Variants in FAM135B observed in about 807,000 individuals in gnomAD.
The protein encoded by FAM135B is protein FAM135B.
A neutral mutation model predicts 127.7 loss-of-function variants in FAM135B; 43 were observed. The ratio of observed to expected loss-of-function variants is 0.34; its 90% CI spans 0.26 to 0.43. The LOEUF (loss-of-function observed/expected upper bound fraction) is 0.43, where lower values mean the gene tolerates loss of function less well. Ranked by LOEUF, FAM135B falls within the 20% of genes least tolerant of loss-of-function variation. The pLI, the probability that FAM135B is intolerant of heterozygous loss-of-function variation, is 1.00. For synonymous variants in FAM135B, 670 were observed against 665.1 expected, an observed-to-expected ratio of 1.01 and a Z score of -0.11; for missense variants, 1,558 against 1,725.6, an observed-to-expected ratio of 0.90 and a Z score of 1.72.
At chr8:138,495,594 A>C (rs1440331948) in intron 1 of FAM135B, among the ~76,000 whole-genome samples, 1 of 152,138 alleles carries the variant, frequency 6.6e-6, no homozygotes, top group Non-Finnish European at 1.5e-5. Flanking sequence ...CCTATCCTGG[A>C]TATTATTCAG....
At chr8:138,285,033 C>T (rs142304759) in intron 3 of FAM135B, among the ~76,000 whole-genome samples, 1 of 150,800 alleles carries the variant, frequency 6.6e-6, no homozygotes, top group Admixed American at 6.6e-5. Flanking sequence ...TCCTTCTCAT[C>T]GGACCATTAC....
chr8:138,211,962 G>A (rs1563775429), intron 7 of FAM135B, among the ~76,000 whole-genome samples: 1 of 152,180 alleles, frequency 6.6e-6, no homozygotes, highest in African/African-American at 2.4e-5. Context: ...CAGCTACTCG[G>A]GAGGCTGAGG....
intron 2 of FAM135B, among the ~76,000 whole-genome samples, chr8:138,359,661 G>A (rs1268053546): frequency 6.6e-6 from 1 of 152,142 alleles, no homozygotes; most frequent in Non-Finnish European, 1.5e-5. Flanking sequence ...GAGAAGTGGG[G>A]AAAAAAGATT....
At chr8:138,469,531 G>A (rs569488946) in intron 1 of FAM135B, among the ~76,000 whole-genome samples, 1 of 152,238 alleles carries the variant, frequency 6.6e-6, no homozygotes, top group South Asian at 2.1e-4. Context: ...AAAAATCAGG[G>A]AAACAGAAAG....
chr8:138,140,481 C>T (rs1318998975), intron 17 of FAM135B, among the ~76,000 whole-genome samples: 2 of 152,182 alleles, frequency 1.3e-5, no homozygotes, highest in Non-Finnish European at 2.9e-5. Context: ...GTCACCTCCT[C>T]AGTAAAATCT....
intron 7 of FAM135B, among the ~76,000 whole-genome samples, chr8:138,218,092 C>T (rs1314605091): frequency 6.6e-6 from 1 of 152,084 alleles, no homozygotes; most frequent in African/African-American, 2.4e-5. Flanking sequence ...TTTATGGAAA[C>T]ATGATAACTA....
chr8:138,261,694 G>C (rs191817344), intron 4 of FAM135B, among the ~76,000 whole-genome samples: 151 of 152,198 alleles, frequency 9.9e-4, no homozygotes, highest in African/African-American at 3.5e-3. Context: ...ACATCTCCTC[G>C]TACACCTTAA....
At chr8:138,401,286 T>C (rs1519401) in intron 1 of FAM135B, among the ~76,000 whole-genome samples, 73,863 of 152,036 alleles carry the variant, frequency 0.49, 18,719 homozygotes, top group African/African-American at 0.61. Context: ...TGTAGGTTAT[T>C]ACCTGGACTG....
intron 1 of FAM135B, among the ~76,000 whole-genome samples, chr8:138,425,996 T>TATAC (rs1834833091): frequency 1.2e-4 from 2 of 16,306 alleles, no homozygotes; most frequent in African/African-American, 1.2e-3. Flanking sequence ...TATATATATA[T>TATAC]ATATATATAT....
chr8:138,447,777 T>C (rs1836268040), intron 1 of FAM135B, among the ~76,000 whole-genome samples: 1 of 151,066 alleles, frequency 6.6e-6, no homozygotes, highest in African/African-American at 2.5e-5. Flanking sequence ...CTGCATGTTT[T>C]GCACATGTAC....
At chr8:138,346,720 G>A (rs1829433697) in intron 2 of FAM135B, among the ~76,000 whole-genome samples, 1 of 152,148 alleles carries the variant, frequency 6.6e-6, no homozygotes, top group African/African-American at 2.4e-5. Flanking sequence ...TGAACACTGG[G>A]CTTAATACCT....
At chr8:138,146,112 C>A (rs556297246) in intron 14 of FAM135B, 62 bp from the exon 15 acceptor site, 3 of 811,602 alleles carry the variant, frequency 3.7e-6, no homozygotes, top group Admixed American at 4.7e-5. Context: ...GGTTGACACA[C>A]GAGGAATTTC....
intron 3 of FAM135B, among the ~76,000 whole-genome samples, chr8:138,300,693 G>A (rs1365638322): frequency 2.0e-5 from 3 of 150,254 alleles, no homozygotes; most frequent in Admixed American, 2.0e-4. Flanking sequence ...ATCTTGTGCA[G>A]CCCCATGTGA....
intron 2 of FAM135B, chr8:138,358,239 T>C (rs1327872607): frequency 5.3e-5 from 8 of 152,162 alleles, no homozygotes; most frequent in Admixed American, 3.9e-4. Flanking sequence ...AAATTCAAGA[T>C]GGTATTTGGG....
chr8:138,356,681 T>A (rs1339901977), intron 2 of FAM135B, among the ~76,000 whole-genome samples: 1 of 152,114 alleles, frequency 6.6e-6, no homozygotes, highest in Non-Finnish European at 1.5e-5. Context: ...AGGAAGGACA[T>A]CAGAACAGCC....
At chr8:138,210,832 G>A (rs1818085898) in intron 7 of FAM135B, among the ~76,000 whole-genome samples, 1 of 152,094 alleles carries the variant, frequency 6.6e-6, no homozygotes. Context: ...ACAAGCATAG[G>A]AAACATATTC....
chr8:138,216,863 T>C (rs565421001), intron 7 of FAM135B, among the ~76,000 whole-genome samples: 225 of 152,248 alleles, frequency 1.5e-3, no homozygotes, highest in Non-Finnish European at 2.4e-3. Context: ...CTAACCATCT[T>C]ATAAAAGGGG....
intron 2 of FAM135B, among the ~76,000 whole-genome samples, chr8:138,329,498 G>A (rs1194923449): frequency 6.6e-6 from 1 of 152,180 alleles, no homozygotes; most frequent in Non-Finnish European, 1.5e-5. Context: ...CTGCAAAACT[G>A]TTCAGGCAGA....
chr8:138,384,758 A>G (rs1282558518), intron 1 of FAM135B, among the ~76,000 whole-genome samples: 2 of 151,978 alleles, frequency 1.3e-5, no homozygotes, highest in African/African-American at 2.4e-5. Flanking sequence ...TAGCTCCAAA[A>G]TCTGTTTAGG....
Sources: gnomAD v4.1 joint callset for allele counts (sites outside exome capture counted in the v4.1 genomes callset) on GRCh38, gnomAD v4.1.1 for gene constraint, MANE v1.5 for transcripts, NCBI Gene and HGNC (gene_info 2026-07-23, HGNC 2026-07-21) for gene names.